WDFY3: variants seen among roughly 807,000 people sequenced by gnomAD.
WDFY3 encodes the protein WD repeat and FYVE domain-containing protein 3.
WDFY3 carries 66 observed loss-of-function variants against 409.6 expected under a neutral mutation model. The ratio of observed to expected loss-of-function variants is 0.16; its 90% CI spans 0.13 to 0.20. The LOEUF (loss-of-function observed/expected upper bound fraction) is 0.20, where lower values mean the gene tolerates loss of function less well. Among genes scored for constraint, WDFY3 ranks in the 10% least tolerant of loss-of-function variants. The probability of loss-of-function intolerance (pLI) is 1.00; values close to 1 mark genes in which losing one functional copy is unlikely to be tolerated. For missense variants in WDFY3, 3,031 were observed against 4,298.1 expected (o/e 0.71, Z 8.24); for synonymous variants, 1,521 against 1,537.1 (o/e 0.99, Z 0.25).
At chr4:84,784,858 GTA>G (rs71670882) in intron 24 of WDFY3, among the ~76,000 whole-genome samples, 3,767 of 88,854 alleles carry the variant, frequency 0.042, 85 homozygotes, top group Non-Finnish European at 0.052. Flanking sequence ...AAGTGTATAT[GTA>G]TATATATATA....
At chr4:84,691,808 T>C (rs1453247426) in intron 59 of WDFY3, 23 bp from the exon 60 acceptor site, 1 of 1,593,612 alleles carries the variant, frequency 6.3e-7, no homozygotes, top group East Asian at 2.2e-5. Flanking sequence ...AATCATGGTA[T>C]TAGGACAGGA....
chr4:84,726,156 C>T (rs1171342099), intron 45 of WDFY3, among the ~76,000 whole-genome samples: 1 of 151,954 alleles, frequency 6.6e-6, no homozygotes, highest in Non-Finnish European at 1.5e-5. Flanking sequence ...AAGATAAAAG[C>T]ATAGTTAGTG....
Position 84,787,611 on chromosome 4 carries a change from T to C in WDFY3, c.3772A>G (p.Ile1258Val). Residue 1258 changes from isoleucine to valine, a missense_variant, in exon 23 of 68, where the codon ATT becomes GTT. Transcript: ENST00000295888. ...CCCAGGCGCCAAACCAATGAGGCAA[T>C]TTGGCGTTGGGCAGGTGGAGTACCA... ...YIGTPPAQRQ[I>V]ASLVWRLGPT... is the part of the protein sequence containing the mutation. 1 of 1,614,090 alleles carries C rather than the reference T, an allele frequency of 6.2e-7. No individual in the cohort carries two copies. The highest frequency in any genetic ancestry group is 8.5e-7 in the Non-Finnish European group (1 of 1,180,012).
chr4:84,724,713 C>G (rs1190844441), intron 45 of WDFY3, 119 bp from the exon 46 acceptor site: 1 of 1,088,810 alleles, frequency 9.2e-7, no homozygotes, highest in Non-Finnish European at 1.3e-6. Context: ...TTTTCATAGA[C>G]TGTATGTATA....
chr4:84,949,446 T>G (rs1773321735), intron 1 of WDFY3, among the ~76,000 whole-genome samples: 1 of 152,176 alleles, frequency 6.6e-6, no homozygotes. Flanking sequence ...TGTAAATATG[T>G]TCTAGATTAT....
At position 84,859,614 on chromosome 4, in the gene WDFY3, C is replaced by T. The variant is rs144755961; in HGVS notation, c.180+798G>A. On this transcript the variant is annotated intron_variant, in intron 4 of 67. Coordinates refer to ENST00000295888, the MANE Select transcript of WDFY3 (RefSeq NM_014991.6). ...TTTTGAGACAGAGTTTCACTCTTGT[C>T]GCCCAGGCTGGAGTGCAATGGCGTG... Among the ~76,000 whole-genome samples the T allele has an allele frequency of 5.4e-3, 816 of 152,290 alleles. 9 individuals are homozygous for T. Among genetic ancestry groups the T allele is most frequent in the African/African-American group, 0.019 (780 of 41,560 alleles).
Position 84,802,559 on chromosome 4 carries a change from C to T in WDFY3, c.2608-695G>A, listed in dbSNP as rs143057034. Among the ~76,000 whole-genome samples the T allele has an allele frequency of 4.3e-3, 659 of 152,268 alleles. 4 individuals carry two copies. Among genetic ancestry groups the T allele is most frequent in the African/African-American group, 0.015 (614 of 41,556 alleles). On this transcript the variant is annotated intron_variant, in intron 16 of 67. Transcript: ENST00000295888. ...CTGGGATTACAGGCGTGAGCCACCGCGCCTGGCCAGAAGCATACCTTTTAA... is the reference window on the plus strand; with the variant it reads ...CTGGGATTACAGGCGTGAGCCACCGTGCCTGGCCAGAAGCATACCTTTTAA...
chr4:84,789,632 A>AACAC lies in WDFY3; in HGVS notation c.3669+90_3669+93dup, dbSNP rs370993126. 3.8e-4 allele frequency: 383 copies of AACAC among 1,014,702 alleles called. No homozygotes were observed. In the African/African-American group the frequency reaches 7.5e-3, roughly 20 times the overall value. The allele number at this position is 1,014,702 out of a possible 1,614,324, so 62.9% of individuals were successfully genotyped here. ...AAAGTAATTTTAAAAATATCCCTGTAACACACACACACACACACACACACA... is the reference window on the plus strand; with the variant it reads ...AAAGTAATTTTAAAAATATCCCTGTAACACACACACACACACACACACACACACA... On this transcript the variant is annotated intron_variant, in intron 22 of 67. Transcript: ENST00000295888.
At chr4:84,936,605 A>G (rs1237338549) in intron 1 of WDFY3, among the ~76,000 whole-genome samples, 1 of 152,144 alleles carries the variant, frequency 6.6e-6, no homozygotes, top group Non-Finnish European at 1.5e-5. Context: ...GTCTCTTTCC[A>G]AACTTTATAC....
intron 15 of WDFY3, among the ~76,000 whole-genome samples, chr4:84,807,633 C>A (rs1350156325): frequency 8.5e-5 from 13 of 152,058 alleles, no homozygotes. Flanking sequence ...TATTTGGGGC[C>A]AACTGCAGAC....
chr4:84,807,075 T>TA (rs1191819523), intron 15 of WDFY3, among the ~76,000 whole-genome samples: 1 of 152,206 alleles, frequency 6.6e-6, no homozygotes, highest in African/African-American at 2.4e-5. Flanking sequence ...TAATTTAAAC[T>TA]ACTAATTGAA....
chr4:84,915,344 C>T (rs561256572), intron 2 of WDFY3, among the ~76,000 whole-genome samples: 12 of 152,172 alleles, frequency 7.9e-5, no homozygotes, highest in Middle Eastern at 6.8e-3. Context: ...AGTGTATATT[C>T]CACAATTTTA....
chr4:84,937,047 G>T (rs1193800817), intron 1 of WDFY3, among the ~76,000 whole-genome samples: 3 of 152,108 alleles, frequency 2.0e-5, no homozygotes, highest in Non-Finnish European at 2.9e-5. Context: ...TATGCCTCTA[G>T]ATGATGGCCA....
chr4:84,832,675 GTAAA>G (rs538587257), intron 7 of WDFY3, among the ~76,000 whole-genome samples: 54 of 152,210 alleles, frequency 3.5e-4, no homozygotes, highest in Admixed American at 2.4e-3. Flanking sequence ...GTGTATGTAA[GTAAA>G]TAAATGGCTG....
intron 3 of WDFY3, among the ~76,000 whole-genome samples, chr4:84,883,011 T>G (rs948826640): frequency 6.6e-6 from 1 of 152,158 alleles, no homozygotes; most frequent in African/African-American, 2.4e-5. Context: ...CTGGCCTCCC[T>G]TATAATTTTT....
intron 10 of WDFY3, among the ~76,000 whole-genome samples, chr4:84,822,894 A>G (rs1242263412): frequency 1.3e-5 from 2 of 152,306 alleles, no homozygotes; most frequent in East Asian, 3.9e-4. Context: ...CTATCAGTCT[A>G]TCTAAGTTTG....
At chr4:84,897,507 C>T (rs567913518) in intron 2 of WDFY3, among the ~76,000 whole-genome samples, 1 of 152,144 alleles carries the variant, frequency 6.6e-6, no homozygotes, top group Non-Finnish European at 1.5e-5. Context: ...CTCAGCCTCC[C>T]GAGTAGCTGG....
chr4:84,859,732 C>G (rs537495850), intron 4 of WDFY3, among the ~76,000 whole-genome samples: 3 of 152,114 alleles, frequency 2.0e-5, no homozygotes, highest in Admixed American at 6.5e-5. Flanking sequence ...CGTGCCACCA[C>G]GCCTGGCTGA....
rs762556814 is a variant in WDFY3 at position 84,741,779 on chromosome 4, T to C, written c.6216A>G (p.Ile2072Met). Residue 2072 changes from isoleucine (I) to methionine (M), a missense_variant, in exon 38 of 68, where the codon ATA becomes ATG. Transcript: ENST00000295888. The part of the protein sequence containing the change: ...NKESKLLIDF[I>M]IQLIAQSKRR... ...GGATTACCTGTGCAATTAGTTGAAT[T>C]ATAAAATCTATAAGAAGTTTAGATT... is the stretch of plus-strand genomic sequence containing the variant. 2.4e-4 allele frequency: 386 copies of C among 1,610,546 alleles called. No homozygotes were observed. The highest frequency in any genetic ancestry group is 3.2e-4 in the Non-Finnish European group (379 of 1,177,476).
Sources: gnomAD v4.1 joint callset for allele counts (sites outside exome capture counted in the v4.1 genomes callset) on GRCh38, gnomAD v4.1.1 for gene constraint, MANE v1.5 for transcripts, NCBI Gene and HGNC (gene_info 2026-07-23, HGNC 2026-07-21) for gene names.